FGF9: variants seen among roughly 807,000 people sequenced by gnomAD.
FGF9 encodes fibroblast growth factor 9.
A neutral mutation model predicts 19.9 loss-of-function variants in FGF9; 3 were observed. That is an observed-to-expected ratio of 0.15 (90% CI 0.07 to 0.39). The LOEUF is 0.39. Ranked by LOEUF, FGF9 falls within the 10% of genes least tolerant of loss-of-function variation. The probability of loss-of-function intolerance (pLI) is 1.00; values close to 1 mark genes in which losing one functional copy is unlikely to be tolerated. For synonymous variants in FGF9, 107 were observed against 106.9 expected (o/e 1.00, Z -0.01); for missense variants, 175 against 256.8 (o/e 0.68, Z 2.18).
chr13:21,701,150 G>A (rs950414702), intron 2 of FGF9, 40 bp from the exon 3 acceptor site: 1 of 1,567,800 alleles, frequency 6.4e-7, no homozygotes, highest in Non-Finnish European at 8.7e-7. Flanking sequence ...GCATGCATTA[G>A]CTATTTTTCC....
At chr13:21,684,466 A>G (rs1286501248) in intron 2 of FGF9, among the ~76,000 whole-genome samples, 1 of 152,156 alleles carries the variant, frequency 6.6e-6, no homozygotes, top group African/African-American at 2.4e-5. Flanking sequence ...ATGTGGCCTC[A>G]CAGTATCTCG....
At chr13:21,680,098 T>A (rs930077800) in intron 1 of FGF9, among the ~76,000 whole-genome samples, 1 of 152,208 alleles carries the variant, frequency 6.6e-6, no homozygotes, top group African/African-American at 2.4e-5. Flanking sequence ...TTAGGTGTTA[T>A]TCTTAGTGAG....
chr13:21,693,080 A>G (rs1019503293), intron 2 of FGF9, among the ~76,000 whole-genome samples: 1 of 152,238 alleles, frequency 6.6e-6, no homozygotes, highest in Non-Finnish European at 1.5e-5. Flanking sequence ...AATTTTTAAA[A>G]AGGTCCATGC....
intron 1 of FGF9, among the ~76,000 whole-genome samples, chr13:21,677,021 G>A (rs571663131): frequency 6.6e-6 from 1 of 152,306 alleles, no homozygotes; most frequent in South Asian, 2.1e-4. Context: ...CATTGACCTG[G>A]TCTCTCATGG....
intron 1 of FGF9, among the ~76,000 whole-genome samples, chr13:21,678,180 A>T (rs1021638235): frequency 3.3e-5 from 5 of 152,282 alleles, no homozygotes; most frequent in Middle Eastern, 3.4e-3. Context: ...AACGAATATG[A>T]ATTACAGCTG....
chr13:21,701,716 T>C lies in FGF9; in HGVS notation c.*281T>C. 2.5e-6 allele frequency: 1 copy of C among 402,826 alleles called. No homozygotes were observed. The highest frequency in any genetic ancestry group is 2.2e-5 in the South Asian group (1 of 44,652). 25.0% of individuals were successfully genotyped at this position (402,826 alleles called of 1,614,324 possible). A position where few individuals can be genotyped will look rare whatever the true frequency, so the allele number is the denominator to read the frequency against. On this transcript the variant is annotated 3_prime_UTR_variant, in exon 3 of 3. Coordinates refer to ENST00000382353, the MANE Select transcript of FGF9 (RefSeq NM_002010.3). ...AGCGCTAGGAGTGTGTGTATGTGTG[T>C]GTGTGTGTGTGTGTGTGTGTGTGTA... is the stretch of plus-strand genomic sequence containing the variant.
At chr13:21,681,193 G>A in intron 2 of FGF9, 48 bp downstream of exon 2, 3 of 1,329,862 alleles carry the variant, frequency 2.3e-6, no homozygotes, top group Non-Finnish European at 3.3e-6. Flanking sequence ...TGTTTGATTT[G>A]AACAGCTGTC....
intron 1 of FGF9, among the ~76,000 whole-genome samples, chr13:21,680,176 C>A (rs1162198145): frequency 6.6e-6 from 1 of 152,054 alleles, no homozygotes; most frequent in South Asian, 2.1e-4. Flanking sequence ...ATACAGCATT[C>A]CATGCCTACT....
intron 2 of FGF9, among the ~76,000 whole-genome samples, chr13:21,696,192 A>G (rs1872406882): frequency 6.6e-6 from 1 of 152,220 alleles, no homozygotes; most frequent in Admixed American, 6.5e-5. Flanking sequence ...GGGCTGTACT[A>G]TAATTTTCAC....
chr13:21,673,865 G>A (rs1371613890), intron 1 of FGF9: 1 of 150,968 alleles, frequency 6.6e-6, no homozygotes, highest in Middle Eastern at 3.2e-3. Flanking sequence ...GGCCGCCCGG[G>A]CCCCGCGGCG....
rs1871756940 is a variant in FGF9 at position 21,671,184 on chromosome 13, C to T, written c.-729C>T. Among the ~76,000 whole-genome samples the T allele has an allele frequency of 6.6e-6, 1 of 152,252 alleles. No individual in the cohort carries two copies. The highest frequency in any genetic ancestry group is 1.5e-5 in the Non-Finnish European group (1 of 68,040). On this transcript the variant is annotated 5_prime_UTR_variant, in exon 1 of 3. Coordinates refer to ENST00000382353, the MANE Select transcript of FGF9 (RefSeq NM_002010.3). ...CGCGGCAGCCTGGGCGGCACGCGAG[C>T]TCCCGGACGCGGCTCTCCTCGCTCG...
chr13:21,689,866 A>G (rs1176018495), intron 2 of FGF9, among the ~76,000 whole-genome samples: 1 of 152,174 alleles, frequency 6.6e-6, no homozygotes, highest in African/African-American at 2.4e-5. Context: ...CTTCAGGGAC[A>G]ACAGAGGCCC....
intron 1 of FGF9, among the ~76,000 whole-genome samples, chr13:21,677,701 G>C (rs181848751): frequency 6.6e-6 from 1 of 152,126 alleles, no homozygotes; most frequent in Non-Finnish European, 1.5e-5. Context: ...TGACTCCTAC[G>C]TTCAGTTGGT....
At chr13:21,697,501 C>T (rs542896665) in intron 2 of FGF9, among the ~76,000 whole-genome samples, 2 of 152,060 alleles carry the variant, frequency 1.3e-5, no homozygotes, top group African/African-American at 2.4e-5. Flanking sequence ...TATGTGTGTG[C>T]GTGAACGATG....
intron 2 of FGF9, among the ~76,000 whole-genome samples, chr13:21,692,571 G>A (rs1425217764): frequency 2.0e-5 from 3 of 152,130 alleles, no homozygotes; most frequent in Non-Finnish European, 4.4e-5. Context: ...GCTATAGAAC[G>A]GGCTAACGAT....
At chr13:21,683,182 G>A (rs960917502) in intron 2 of FGF9, among the ~76,000 whole-genome samples, 2 of 152,168 alleles carry the variant, frequency 1.3e-5, no homozygotes, top group African/African-American at 4.8e-5. Flanking sequence ...TGGTTTATTG[G>A]TTGACAAGGA....
rs975511651 is a variant in FGF9 at position 21,702,053 on chromosome 13, A to G, written c.*618A>G. 1 of 151,438 alleles carries G rather than the reference A, an allele frequency of 6.6e-6. No individual in the cohort carries two copies. Among genetic ancestry groups the G allele is most frequent in the African/African-American group, 2.4e-5 (1 of 41,366 alleles). 9.4% of individuals were successfully genotyped at this position (151,438 alleles called of 1,614,324 possible). A position where few individuals can be genotyped will look rare whatever the true frequency, so the allele number is the denominator to read the frequency against. The stretch of plus-strand genomic sequence containing the variant: ...TTTATTTATAGAAATTCCAAAGGCA[A>G]CATTTTATTTATTTTATATATTTAT... On this transcript the variant is annotated 3_prime_UTR_variant, in exon 3 of 3. Transcript: ENST00000382353.
In FGF9 at chr13:21,672,713, GGT is replaced by G. The variant is rs2138125565; in HGVS notation, c.277+525_277+526del. 6.6e-6 allele frequency among the ~76,000 whole-genome samples: 1 copy of G among 152,340 alleles called. No individual in the cohort carries two copies. Among genetic ancestry groups the G allele is most frequent in the East Asian group, 1.9e-4 (1 of 5,192 alleles). On this transcript the variant is annotated intron_variant, in intron 1 of 2. Transcript: ENST00000382353. This position sits in a 1 kb window ranked among gnomAD's most constrained non-coding sequence, Gnocchi z 4.2. ...AGGGTCTGAAAGCCCCATAGGCGAAGGTTGCTGACGGATTGTCCTGTTGGGAG... is the reference window on the plus strand; with the variant it reads ...AGGGTCTGAAAGCCCCATAGGCGAAGTGCTGACGGATTGTCCTGTTGGGAG...
Position 21,672,248 on chromosome 13 carries a change from C to T in FGF9, c.277+59C>T. The T allele has an allele frequency of 6.3e-7, 1 of 1,597,302 alleles. No individual in the cohort carries two copies. The highest frequency in any genetic ancestry group is 2.2e-5 in the East Asian group (1 of 44,782). The stretch of plus-strand genomic sequence containing the variant: ...GATGACATGTTGAAATTATAACTAC[C>T]AAGAAGGTGGTGGCCGGGTGGGGGA... On this transcript the variant is annotated intron_variant, in intron 1 of 2. Transcript: ENST00000382353. This position sits in a 1 kb window ranked among gnomAD's most constrained non-coding sequence, Gnocchi z 4.2.
Sources: gnomAD v4.1 joint callset for allele counts (sites outside exome capture counted in the v4.1 genomes callset) on GRCh38, gnomAD v4.1.1 for gene constraint, Gnocchi (gnomAD v3.1) non-coding constraint, MANE v1.5 for transcripts, NCBI Gene and HGNC (gene_info 2026-07-23, HGNC 2026-07-21) for gene names.